NR3C1: variants seen among roughly 807,000 people sequenced by gnomAD.
The protein encoded by NR3C1 is glucocorticoid receptor.
A neutral mutation model predicts 74.0 loss-of-function variants in NR3C1; 14 were observed. The ratio of observed to expected loss-of-function variants is 0.19; its 90% confidence interval spans 0.12 to 0.30. The LOEUF is 0.30. Among genes scored for constraint, NR3C1 ranks in the 10% least tolerant of loss-of-function variants. The pLI, the probability that NR3C1 is intolerant of heterozygous loss-of-function variation, is 1.00. For synonymous variants in NR3C1, 308 were observed against 332.5 expected (o/e 0.93, Z 0.80); for missense variants, 695 against 909.8 (o/e 0.76, Z 3.04).
chr5:143,403,897 C>A (rs1840832566), upstream of NR3C1: 1 of 981,214 alleles, frequency 1.0e-6, no homozygotes, highest in Non-Finnish European at 1.2e-6. Context: ...CGTCCCCTGG[C>A]GTGGCCGCCC....
At chr5:143,416,252 G>T (rs140381595) in intron 1 of NR3C1, among the ~76,000 whole-genome samples, 2 of 152,094 alleles carry the variant, frequency 1.3e-5, no homozygotes, top group Non-Finnish European at 2.9e-5. Flanking sequence ...GCTTATGGTG[G>T]TATTAACCCA....
chr5:143,411,237 G>C (rs1394442460), intron 1 of NR3C1, among the ~76,000 whole-genome samples: 1 of 152,150 alleles, frequency 6.6e-6, no homozygotes, highest in East Asian at 1.9e-4. Context: ...TGACAAACCA[G>C]AGCTTGATTT....
At chr5:143,397,651 A>G (rs1839470218) in intron 2 of NR3C1, among the ~76,000 whole-genome samples, 1 of 151,926 alleles carries the variant, frequency 6.6e-6, no homozygotes, top group Non-Finnish European at 1.5e-5. Context: ...ATATTTCCCA[A>G]TCACAGATTG....
intron 2 of NR3C1, among the ~76,000 whole-genome samples, chr5:143,343,423 C>T (rs1005949888): frequency 1.3e-5 from 2 of 152,204 alleles, no homozygotes; most frequent in African/African-American, 4.8e-5. Flanking sequence ...TGATGGCTAA[C>T]AACCAGGGAT....
At chr5:143,405,158 G>A (rs1216940290), upstream of NR3C1, 3 of 985,476 alleles carry the variant, frequency 3.0e-6, no homozygotes, top group Middle Eastern at 5.2e-4. Context: ...ACCTTGTGCG[G>A]CACAGATTAT....
In NR3C1 at chr5:143,280,212, TAAAAC is replaced by T. The variant is rs1812889220; in HGVS notation, c.*1672_*1676del. 2 of 152,634 alleles carry T rather than the reference TAAAAC, an allele frequency of 1.3e-5. No homozygotes were observed. The highest frequency in any genetic ancestry group is 4.8e-5 in the African/African-American group (2 of 41,472). 9.5% of individuals were successfully genotyped at this position (152,634 alleles called of 1,614,324 possible). On this transcript the variant is annotated 3_prime_UTR_variant, in exon 9 of 9. Transcript: ENST00000394464. ...ACAAAAAATATATAACATGTCATGA[TAAAAC>T]AATCTCATCTAAAAATCATTCTTAT...
At chr5:143,298,911 C>G in intron 5 of NR3C1, 99 bp from the exon 6 acceptor site, 1 of 1,182,016 alleles carries the variant, frequency 8.5e-7, no homozygotes, top group East Asian at 2.6e-5. Context: ...CCTGTCAAAA[C>G]AAGGGCACCC....
At chr5:143,416,476 G>A (rs1841481113) in intron 1 of NR3C1, among the ~76,000 whole-genome samples, 2 of 151,606 alleles carry the variant, frequency 1.3e-5, no homozygotes, top group Admixed American at 1.3e-4. Flanking sequence ...AAAAAGCAAA[G>A]AGATCTGGAA....
intron 2 of NR3C1, among the ~76,000 whole-genome samples, chr5:143,338,165 T>A (rs1827512546): frequency 6.6e-6 from 1 of 152,206 alleles, no homozygotes; most frequent in African/African-American, 2.4e-5. Flanking sequence ...AACACCATGC[T>A]TATGTTTGTG....
At position 143,279,456 on chromosome 5, in the gene NR3C1, C is replaced by CTT. The variant is rs550951831; in HGVS notation, c.*2431_*2432dup. 31 of 1,479,458 alleles carry CTT rather than the reference C, an allele frequency of 2.1e-5. 1 individual carries two copies. The South Asian group carries it at 4.0e-4, about 19-fold the overall frequency. 91.6% of individuals were successfully genotyped at this position (1,479,458 alleles called of 1,614,324 possible). ...TACGTTTTAGAAGCTCTTTTTGAAA[C>CTT]TTAACACTGTCATTGATAAGAATAT... On this transcript the variant is annotated 3_prime_UTR_variant, in exon 9 of 9. Coordinates refer to ENST00000394464, the MANE Select transcript of NR3C1 (RefSeq NM_000176.3).
chr5:143,343,001 CAGA>C, intron 2 of NR3C1, among the ~76,000 whole-genome samples: 1 of 152,258 alleles, frequency 6.6e-6, no homozygotes, highest in South Asian at 2.1e-4. Context: ...CCAAAGACAA[CAGA>C]AGATGACAAA....
At position 143,400,703 on chromosome 5, in the gene NR3C1, G is replaced by A. The variant is rs1021595766; in HGVS notation, c.137C>T (p.Pro46Leu). 1 of 1,614,136 alleles carries A rather than the reference G, an allele frequency of 6.2e-7. No individual in the cohort carries two copies. Residue 46 changes from proline to leucine, a missense_variant, in exon 2 of 9, where the codon CCC becomes CTC. This residue lies in a region of NR3C1 where 497 missense variants were observed against 489.5 expected (regional missense o/e 1.02). Coordinates refer to ENST00000394464, the MANE Select transcript of NR3C1 (RefSeq NM_000176.3). The stretch of plus-strand genomic sequence containing the variant: ...TGATTGAGAAGCGACAGCCAGTGAG[G>A]GTGAAGACGCAGAAACCTTCACAGT... ...GATVKVSASS[P>L]SLAVASQSDS...
chr5:143,408,514 A>T (rs751660233), upstream of NR3C1, among the ~76,000 whole-genome samples: 4 of 151,286 alleles, frequency 2.6e-5, no homozygotes, highest in Non-Finnish European at 4.4e-5. Context: ...TTAATACTGA[A>T]AGTGTTTTAG....
intron 2 of NR3C1, among the ~76,000 whole-genome samples, chr5:143,374,865 T>C (rs936838375): frequency 6.6e-5 from 10 of 152,158 alleles, no homozygotes. Flanking sequence ...TATGCACACA[T>C]ACATGCACTC....
At chr5:143,305,201 G>A (rs1335433594) in intron 4 of NR3C1, among the ~76,000 whole-genome samples, 2 of 152,084 alleles carry the variant, frequency 1.3e-5, no homozygotes, top group Admixed American at 6.5e-5. Context: ...TTAAAAATGG[G>A]CAAAGGACAT....
intron 7 of NR3C1, chr5:143,294,138 T>G (rs1816601812): frequency 1.0e-6 from 1 of 985,058 alleles, no homozygotes. Context: ...AAGATGAATG[T>G]GCGCTTTGGA....
intron 2 of NR3C1, among the ~76,000 whole-genome samples, chr5:143,372,046 T>G (rs988792133): frequency 6.6e-5 from 10 of 152,182 alleles, no homozygotes; most frequent in Admixed American, 6.5e-4. Flanking sequence ...CCTTTTTCCT[T>G]TTAACTAAGC....
chr5:143,330,088 C>T (rs1033685868), intron 2 of NR3C1, among the ~76,000 whole-genome samples: 4 of 152,220 alleles, frequency 2.6e-5, no homozygotes, highest in Admixed American at 6.5e-5. Flanking sequence ...TTTTCACAGT[C>T]TAAGTAAGTA....
At chr5:143,335,291 T>A (rs754041955) in intron 2 of NR3C1, among the ~76,000 whole-genome samples, 5 of 152,054 alleles carry the variant, frequency 3.3e-5, no homozygotes, top group Non-Finnish European at 5.9e-5. Flanking sequence ...AGGAAAACTC[T>A]CTGTAACCAT....
Sources: gnomAD v4.1 joint callset for allele counts (sites outside exome capture counted in the v4.1 genomes callset) on GRCh38, gnomAD v4.1.1 for gene constraint, gnomAD v4.1.1 regional missense constraint, MANE v1.5 for transcripts, NCBI Gene and HGNC (gene_info 2026-07-23, HGNC 2026-07-21) for gene names.